Variants in KIAA1217 observed in about 807,000 individuals in gnomAD.
KIAA1217 encodes KIAA1217.
In KIAA1217, 88 loss-of-function variants were observed where a neutral mutation model predicts 163.9. The observed-to-expected ratio is 0.54, with a 90% CI of 0.45 to 0.64. The LOEUF is 0.64. Ranked by LOEUF, KIAA1217 falls within the 30% of genes least tolerant of loss-of-function variation. The pLI, the probability that KIAA1217 is intolerant of heterozygous loss-of-function variation, is 0.00. For missense variants in KIAA1217, 2,372 were observed against 2,475.0 expected (o/e 0.96, Z 0.88); for synonymous variants, 903 against 923.1 (o/e 0.98, Z 0.39).
chr10:23,988,202 T>G (rs2131430309), intron 1 of KIAA1217, among the ~76,000 whole-genome samples: 1 of 152,322 alleles, frequency 6.6e-6, no homozygotes, highest in Non-Finnish European at 1.5e-5. Flanking sequence ...GATTAGTTTC[T>G]GCCAATGAGA....
At chr10:24,188,947 T>C (rs1198758788) in intron 2 of KIAA1217, among the ~76,000 whole-genome samples, 1 of 151,616 alleles carries the variant, frequency 6.6e-6, no homozygotes, top group East Asian at 1.9e-4. Flanking sequence ...CTATTAAAAA[T>C]ACGAGAAAAT....
intron 1 of KIAA1217, among the ~76,000 whole-genome samples, chr10:23,919,007 G>T (rs1458154981): frequency 6.6e-6 from 1 of 152,060 alleles, no homozygotes; most frequent in Non-Finnish European, 1.5e-5. Flanking sequence ...AGGGTCATGT[G>T]GACAGGCATT....
intron 2 of KIAA1217, among the ~76,000 whole-genome samples, chr10:24,080,358 G>A (rs1285092554): frequency 6.6e-6 from 1 of 152,066 alleles, no homozygotes; most frequent in Non-Finnish European, 1.5e-5. Flanking sequence ...TTAAGAAGAC[G>A]GAACAAGAAG....
chr10:23,996,654 C>T (rs552983213), intron 1 of KIAA1217, among the ~76,000 whole-genome samples: 3 of 152,182 alleles, frequency 2.0e-5, no homozygotes, highest in African/African-American at 7.2e-5. Flanking sequence ...CATAAAACAA[C>T]CATGAAATAA....
intron 1 of KIAA1217, among the ~76,000 whole-genome samples, chr10:23,782,190 C>G (rs1028904125): frequency 3.3e-5 from 5 of 152,092 alleles, no homozygotes; most frequent in African/African-American, 1.2e-4. Flanking sequence ...TTCAACAATT[C>G]ATGAATATGA....
intron 2 of KIAA1217, among the ~76,000 whole-genome samples, chr10:24,319,375 CAAAAAAAAAAAAAAA>C (rs34410717): frequency 2.2e-5 from 1 of 45,814 alleles, no homozygotes. Context: ...GACGTTGTCT[CAAAAAAAAAAAAAAA>C]AAAAAAAAAA....
At position 23,695,409 on chromosome 10, in the gene KIAA1217, G is replaced by A. The variant is rs1469611518; in HGVS notation, c.-321+175G>A. Among the ~76,000 whole-genome samples the A allele has an allele frequency of 6.6e-6, 1 of 152,162 alleles. No individual in the cohort carries two copies. Among genetic ancestry groups the A allele is most frequent in the African/African-American group, 2.4e-5 (1 of 41,472 alleles). ...AGGACCCCCCCAGGAGGGCCAGGCC[G>A]GGAGGGGTCCCGGTGCGGTGATGGG... On this transcript the variant is annotated intron_variant, in intron 1 of 18. Coordinates refer to the KIAA1217 transcript ENST00000376462. This position sits in a 1 kb window ranked among gnomAD's most constrained non-coding sequence, Gnocchi z 4.9.
At chr10:24,316,653 G>C (rs1311555555) in intron 2 of KIAA1217, among the ~76,000 whole-genome samples, 1 of 152,126 alleles carries the variant, frequency 6.6e-6, no homozygotes, top group Non-Finnish European at 1.5e-5. Flanking sequence ...TGGTGACTCT[G>C]TGTTCTATCT....
At chr10:23,784,530 C>T (rs1291994867) in intron 1 of KIAA1217, among the ~76,000 whole-genome samples, 1 of 151,686 alleles carries the variant, frequency 6.6e-6, no homozygotes, top group Non-Finnish European at 1.5e-5. Context: ...ATCCTTTGTT[C>T]TTTATTTCCT....
At chr10:23,706,944 C>T (rs944524335) in intron 1 of KIAA1217, among the ~76,000 whole-genome samples, 7 of 152,204 alleles carry the variant, frequency 4.6e-5, no homozygotes, top group Middle Eastern at 3.4e-3. Context: ...GGACACCAGG[C>T]GGGGACCTGT....
chr10:24,230,671 C>CTGGCTAACTTTTGCATTTT (rs1030125135), intron 2 of KIAA1217, among the ~76,000 whole-genome samples: 2 of 152,010 alleles, frequency 1.3e-5, no homozygotes, highest in East Asian at 3.9e-4. Flanking sequence ...GCAACCACTC[C>CTGGCTAACTTTTGCATTTT]TGGCTAACTT....
chr10:23,781,654 G>A (rs950615616), intron 1 of KIAA1217, among the ~76,000 whole-genome samples: 4 of 152,170 alleles, frequency 2.6e-5, no homozygotes, highest in East Asian at 1.9e-4. Context: ...TGAGGCCAAC[G>A]TTAAGGAGCT....
Position 24,260,586 on chromosome 10 carries a change from C to CAAAA in KIAA1217, c.354+40695_354+40698dup, listed in dbSNP as rs11352927. On this transcript the variant is annotated intron_variant, in intron 2 of 20. Transcript: ENST00000376454. Reference sequence around the variant, plus strand: ...GCAACTTTGTGAGACCTCATCTCTACAAAAAAAAAAAAAAAAAAAAAGCCA... The same window carrying CAAAA: ...GCAACTTTGTGAGACCTCATCTCTACAAAAAAAAAAAAAAAAAAAAAAAAAGCCA... 4.3e-4 allele frequency among the ~76,000 whole-genome samples: 26 copies of CAAAA among 61,140 alleles called. 1 individual carries two copies. Among genetic ancestry groups the CAAAA allele is most frequent in the African/African-American group, 9.0e-4 (15 of 16,728 alleles). 40.1% of individuals were successfully genotyped at this position (61,140 alleles called of 152,430 possible).
At chr10:24,044,159 T>C (rs1848819218) in intron 2 of KIAA1217, among the ~76,000 whole-genome samples, 1 of 152,186 alleles carries the variant, frequency 6.6e-6, no homozygotes, top group South Asian at 2.1e-4. Flanking sequence ...TTAATCAGTA[T>C]TTTTTAAATC....
intron 2 of KIAA1217, among the ~76,000 whole-genome samples, chr10:24,346,235 G>A (rs1319212409): frequency 1.3e-5 from 2 of 152,102 alleles, no homozygotes; most frequent in African/African-American, 2.4e-5. Context: ...AGGCCGAGGT[G>A]TGGGCGGATC....
chr10:23,784,453 T>C (rs185131922), intron 1 of KIAA1217, among the ~76,000 whole-genome samples: 2 of 152,304 alleles, frequency 1.3e-5, no homozygotes, highest in Admixed American at 6.5e-5. Flanking sequence ...TGCTGATAAG[T>C]AAAGACTTAG....
chr10:23,739,183 G>T (rs576786627), intron 1 of KIAA1217, among the ~76,000 whole-genome samples: 1 of 152,252 alleles, frequency 6.6e-6, no homozygotes, highest in Non-Finnish European at 1.5e-5. Context: ...TCACTTATAA[G>T]TGGGAACTAA....
intron 2 of KIAA1217, among the ~76,000 whole-genome samples, chr10:24,365,281 G>T (rs957446491): frequency 2.6e-5 from 4 of 152,040 alleles, no homozygotes; most frequent in African/African-American, 9.7e-5. Flanking sequence ...CTGGGACTCC[G>T]GTCTCTTCCA....
chr10:23,895,470 A>G (rs1215989485), intron 1 of KIAA1217, among the ~76,000 whole-genome samples: 1 of 152,108 alleles, frequency 6.6e-6, no homozygotes, highest in African/African-American at 2.4e-5. Context: ...TTAGAATGGC[A>G]ATCATTAAAA....
Sources: allele counts gnomAD v4.1 joint callset (sites outside exome capture counted in the v4.1 genomes callset), GRCh38; gene constraint gnomAD v4.1.1; non-coding constraint Gnocchi (gnomAD v3.1); transcripts MANE v1.5; gene names NCBI Gene and HGNC (gene_info 2026-07-23, HGNC 2026-07-21).